PPP3CC: variants seen among roughly 807,000 people sequenced by gnomAD.
The protein encoded by PPP3CC is serine/threonine-protein phosphatase 2B catalytic subunit gamma isoform.
In PPP3CC, 35 loss-of-function variants were observed where a neutral mutation model predicts 60.3. The ratio of observed to expected loss-of-function variants is 0.58; its 90% CI spans 0.44 to 0.77. PPP3CC has a LOEUF of 0.77. Among genes scored for constraint, PPP3CC ranks in the 30% least tolerant of loss-of-function variants. The pLI, the probability that PPP3CC is intolerant of heterozygous loss-of-function variation, is 0.00. For missense variants in PPP3CC, 570 were observed against 628.9 expected (o/e 0.91, Z 1.00); for synonymous variants, 206 against 224.3 (o/e 0.92, Z 0.73).
At chr8:22,522,318 G>C (rs1268127726) in intron 6 of PPP3CC, among the ~76,000 whole-genome samples, 173 bp from the exon 7 acceptor site, 1 of 152,038 alleles carries the variant, frequency 6.6e-6, no homozygotes, top group South Asian at 2.1e-4. Context: ...AAGTATATTA[G>C]TGAAATAGAG....
intron 1 of PPP3CC, among the ~76,000 whole-genome samples, chr8:22,441,782 C>T (rs758473246): frequency 6.6e-6 from 1 of 152,152 alleles, no homozygotes; most frequent in Non-Finnish European, 1.5e-5. Context: ...GGGAAGCCAT[C>T]GGGGGTGGTG....
intron 1 of PPP3CC, among the ~76,000 whole-genome samples, chr8:22,457,046 TTCCTTC>T (rs1837221206): frequency 1.2e-5 from 1 of 80,534 alleles, no homozygotes; most frequent in African/African-American, 5.1e-5. Flanking sequence ...CCTCCCTCCC[TTCCTTC>T]CCCTCCCTCC....
chr8:22,461,356 T>C (rs1296394097), intron 1 of PPP3CC, among the ~76,000 whole-genome samples: 1 of 152,110 alleles, frequency 6.6e-6, no homozygotes, highest in East Asian at 1.9e-4. Flanking sequence ...AGGTGGTGAA[T>C]TTTCCTGTCT....
At chr8:22,458,763 T>C (rs535029698) in intron 1 of PPP3CC, among the ~76,000 whole-genome samples, 201 of 152,262 alleles carry the variant, frequency 1.3e-3, no homozygotes, top group African/African-American at 4.5e-3. Context: ...ACTCTTTCAG[T>C]GTTTCAAAGG....
At chr8:22,513,218 C>T (rs539182396) in intron 5 of PPP3CC, 75 bp from the exon 6 acceptor site, 3 of 1,451,214 alleles carry the variant, frequency 2.1e-6, no homozygotes, top group South Asian at 1.4e-5. Context: ...AGGGGTTTTT[C>T]TTTGACACAT....
intron 1 of PPP3CC, among the ~76,000 whole-genome samples, chr8:22,465,931 G>A (rs1326272776): frequency 2.6e-5 from 4 of 151,950 alleles, no homozygotes; most frequent in Admixed American, 2.6e-4. Flanking sequence ...TTGGTTTGCT[G>A]CACCCACCAA....
intron 4 of PPP3CC, among the ~76,000 whole-genome samples, chr8:22,510,689 G>C (rs1002242072): frequency 1.3e-5 from 2 of 152,190 alleles, no homozygotes; most frequent in Admixed American, 6.5e-5. Flanking sequence ...GAAGATTAGG[G>C]AGCCATCCTG....
chr8:22,512,974 G>A (rs1227653242), intron 5 of PPP3CC, among the ~76,000 whole-genome samples: 1 of 152,046 alleles, frequency 6.6e-6, no homozygotes, highest in African/African-American at 2.4e-5. Flanking sequence ...TACTAGGGAG[G>A]GTGAGGCAGG....
intron 6 of PPP3CC, among the ~76,000 whole-genome samples, chr8:22,516,687 G>A (rs896379): frequency 0.55 from 84,038 of 152,016 alleles, 24,609 homozygotes; most frequent in African/African-American, 0.76. Context: ...CAGCCCTCAT[G>A]TTGTAAACAG....
At chr8:22,457,045 CTTCCTTCCCCT>C (rs1837221043) in intron 1 of PPP3CC, among the ~76,000 whole-genome samples, 1 of 107,684 alleles carries the variant, frequency 9.3e-6, no homozygotes, top group African/African-American at 3.6e-5. Flanking sequence ...TCCTCCCTCC[CTTCCTTCCCCT>C]CCCTCCCTCC....
intron 3 of PPP3CC, 174 bp downstream of exon 3, chr8:22,475,798 T>C (rs1310997167): frequency 1.5e-6 from 1 of 647,100 alleles, no homozygotes; most frequent in Non-Finnish European, 2.4e-6. Context: ...ATTCCTTTTT[T>C]AAAACCAGTC....
At chr8:22,485,500 C>A (rs369490740) in intron 3 of PPP3CC, among the ~76,000 whole-genome samples, 13 of 152,238 alleles carry the variant, frequency 8.5e-5, no homozygotes, top group African/African-American at 3.1e-4. Context: ...CAACCAAAAT[C>A]GGGAGTTCAG....
Position 22,540,936 on chromosome 8 carries a change from C to T in PPP3CC, c.*134C>T. The T allele has an allele frequency of 1.2e-6, 1 of 807,012 alleles. No homozygotes were observed. The highest frequency in any genetic ancestry group is 3.0e-5 in the South Asian group (1 of 33,424). The allele number at this position is 807,012 out of a possible 1,614,324, so 50.0% of individuals were successfully genotyped here. A position where few individuals can be genotyped will look rare whatever the true frequency, so the allele number is the denominator to read the frequency against. ...ATTTATAATTCAGTCTGCATTTATT[C>T]TGTAAAAAGGTGGCTGTTTTATAAA... On this transcript the variant is annotated 3_prime_UTR_variant, in exon 14 of 14. Transcript: ENST00000240139.
In PPP3CC at chr8:22,524,336, C is replaced by T. The variant is rs1253985062; in HGVS notation, c.943+1587C>T. Among the ~76,000 whole-genome samples, 3 of 152,220 alleles carry T rather than the reference C, an allele frequency of 2.0e-5. No individual in the cohort carries two copies. In the East Asian group the frequency reaches 5.8e-4, roughly 29 times the overall value. The stretch of plus-strand genomic sequence containing the variant: ...TATTTAAAAGTAAACCATGGAATGG[C>T]ACATCTCATTTAAATCCGATTTGGG... On this transcript the variant is annotated intron_variant, in intron 8 of 13. Transcript: ENST00000240139.
chr8:22,526,143 C>T (rs1839556645), intron 8 of PPP3CC, among the ~76,000 whole-genome samples: 1 of 152,206 alleles, frequency 6.6e-6, no homozygotes, highest in Admixed American at 6.5e-5. Context: ...GCTAGGAGTG[C>T]TCTTTCATAT....
chr8:22,490,324 C>T (rs1838362544), intron 3 of PPP3CC, among the ~76,000 whole-genome samples: 1 of 152,160 alleles, frequency 6.6e-6, no homozygotes, highest in South Asian at 2.1e-4. Flanking sequence ...ACCTGGCAAT[C>T]TGTATTCTGT....
Position 22,522,486 on chromosome 8 carries a change from T to C in PPP3CC, c.771-5T>C. The C allele has an allele frequency of 1.9e-6, 3 of 1,593,260 alleles. No homozygotes were observed. The highest frequency in any genetic ancestry group is 1.7e-6 in the Non-Finnish European group (2 of 1,171,328). ...GGATTTATGTTTTCTAATTTTCTTT[T>C]CCAGTTACCCTGCAGTTTGTGAATT... On this transcript the variant is annotated splice_region_variant and splice_polypyrimidine_tract_variant and intron_variant, in intron 6 of 13. Transcript: ENST00000240139.
chr8:22,441,335 C>A lies in PPP3CC; in HGVS notation c.-75C>A. ...ACGGCTCCGGGCAGCTAAGGCTGCC[C>A]GAGGAGAAGGCGGCGGCCGCGGCGT... On this transcript the variant is annotated 5_prime_UTR_variant, in exon 1 of 14. Transcript: ENST00000240139. The A allele has an allele frequency of 1.4e-6, 2 of 1,455,838 alleles. No individual in the cohort carries two copies. Among genetic ancestry groups the A allele is most frequent in the Non-Finnish European group, 1.8e-6 (2 of 1,092,250 alleles). The allele number at this position is 1,455,838 out of a possible 1,614,324, so 90.2% of individuals were successfully genotyped here.
chr8:22,526,723 A>G (rs1453755982), intron 8 of PPP3CC, among the ~76,000 whole-genome samples: 1 of 152,228 alleles, frequency 6.6e-6, no homozygotes, highest in Admixed American at 6.5e-5. Flanking sequence ...CAAAATATAA[A>G]GAAAATCAGT....
Sources: gnomAD v4.1 joint callset for allele counts (sites outside exome capture counted in the v4.1 genomes callset) on GRCh38, gnomAD v4.1.1 for gene constraint, MANE v1.5 for transcripts, NCBI Gene and HGNC (gene_info 2026-07-23, HGNC 2026-07-21) for gene names.